Variants in EGFL6 observed in about 807,000 individuals in gnomAD.
EGFL6 encodes epidermal growth factor-like protein 6.
Under a neutral mutation model 43.1 loss-of-function variants are expected in EGFL6, and 42 were observed. That is an observed-to-expected ratio of 0.98 (90% CI 0.76 to 1.26). The LOEUF (loss-of-function observed/expected upper bound fraction) is 1.26, where lower values mean the gene tolerates loss of function less well. Ranked by LOEUF, EGFL6 falls within the 50% of genes most tolerant of loss-of-function variation. The pLI is 0.00. For synonymous variants in EGFL6, 164 were observed against 163.2 expected, an observed-to-expected ratio of 1.01 and a Z score of -0.04; for missense variants, 429 against 427.8, an observed-to-expected ratio of 1.00 and a Z score of -0.02.
intron 7 of EGFL6, among the ~76,000 whole-genome samples, chrX:13,611,821 A>G (rs1233222780): frequency 8.9e-6 from 1 of 112,397 alleles, no homozygotes; most frequent in African/African-American, 3.2e-5. Context: ...TTTGTTATCC[A>G]TTCTGCAGCT....
At chrX:13,597,557 G>A (rs1379594090) in intron 3 of EGFL6, among the ~76,000 whole-genome samples, 1 of 111,807 alleles carries the variant, frequency 8.9e-6, no homozygotes, top group Non-Finnish European at 1.9e-5. Flanking sequence ...GTCGAGGTGG[G>A]TGGATCACTT....
At chrX:13,576,125 GT>G (rs1205651313) in intron 1 of EGFL6, among the ~76,000 whole-genome samples, 1 of 112,204 alleles carries the variant, frequency 8.9e-6, no homozygotes, top group Non-Finnish European at 1.9e-5. Flanking sequence ...AAGAAAAGAG[GT>G]TTAATTGGCT....
intron 2 of EGFL6, among the ~76,000 whole-genome samples, chrX:13,592,003 C>T (rs1036854150): frequency 4.5e-5 from 5 of 111,745 alleles, no homozygotes; most frequent in African/African-American, 1.6e-4. Flanking sequence ...CCATTTTAAA[C>T]ACAAACTGAA....
At chrX:13,626,788 G>A (rs761317839) in intron 10 of EGFL6, among the ~76,000 whole-genome samples, 3 of 111,991 alleles carry the variant, frequency 2.7e-5, no homozygotes, top group East Asian at 5.6e-4. Context: ...AAAATTCCTC[G>A]GTTTCTCTGA....
intron 7 of EGFL6, among the ~76,000 whole-genome samples, chrX:13,615,517 G>A (rs2045713706): frequency 8.9e-6 from 1 of 111,825 alleles, no homozygotes; most frequent in African/African-American, 3.3e-5. Flanking sequence ...TCCAGAGGAA[G>A]GTCTATATAT....
At chrX:13,575,835 C>T (rs1729441288) in intron 1 of EGFL6, among the ~76,000 whole-genome samples, 1 of 112,497 alleles carries the variant, frequency 8.9e-6, no homozygotes, top group South Asian at 3.7e-4. Context: ...CTTTTTGATC[C>T]TTCAGAATTA....
chrX:13,573,653 A>G (rs1197190392), intron 1 of EGFL6, among the ~76,000 whole-genome samples: 1 of 112,206 alleles, frequency 8.9e-6, no homozygotes, highest in Non-Finnish European at 1.9e-5. Context: ...TGTTATTTCA[A>G]TCAATCCTCT....
chrX:13,570,832 C>T (rs1443608511), intron 1 of EGFL6, among the ~76,000 whole-genome samples: 1 of 111,776 alleles, frequency 8.9e-6, no homozygotes, highest in Admixed American at 9.5e-5. Flanking sequence ...AGGGTGCAAA[C>T]CTAGGTATTC....
At chrX:13,632,550 C>T (rs184918323) in intron 11 of EGFL6, among the ~76,000 whole-genome samples, 8 of 109,797 alleles carry the variant, frequency 7.3e-5, no homozygotes, top group African/African-American at 9.9e-5. Context: ...GTGATCCGCC[C>T]GCCTCGGCCT....
chrX:13,577,335 T>C (rs1433059827), intron 1 of EGFL6, among the ~76,000 whole-genome samples: 19 of 14,921 alleles, frequency 1.3e-3, no homozygotes, highest in African/African-American at 4.1e-3. Context: ...TATATATATA[T>C]ATATATACAT....
chrX:13,625,460 G>A (rs993214434), intron 10 of EGFL6, among the ~76,000 whole-genome samples: 8 of 110,734 alleles, frequency 7.2e-5, no homozygotes, highest in Admixed American at 3.8e-4. Context: ...GAGGCAGGTG[G>A]ATTACCTGAG....
chrX:13,618,363 G>A (rs780540151), intron 8 of EGFL6, among the ~76,000 whole-genome samples: 2 of 112,538 alleles, frequency 1.8e-5, no homozygotes, highest in Non-Finnish European at 3.8e-5. Context: ...CAGTGGTTTG[G>A]CTGCCCAGCT....
rs779723694 is a variant in EGFL6 at position 13,600,044 on chromosome X, A to G, written c.350A>G (p.Lys117Arg). 2.5e-6 allele frequency: 3 copies of G among 1,209,590 alleles called. No homozygotes were observed. Among genetic ancestry groups the G allele is most frequent in the Middle Eastern group, 2.3e-4 (1 of 4,375 alleles). Residue 117 changes from lysine (K) to arginine (R), a missense_variant, in exon 4 of 12, where the codon AAG (lysine) becomes AGG (arginine). Physicochemically the swap from Lys to Arg is conservative, Grantham distance 26. Transcript: ENST00000361306. ...TGTGTGAATACACACGGAAGCTACA[A>G]GTGCTTTTGCCTCAGTGGCCACATG... ...HRCVNTHGSY[K>R]CFCLSGHMLM...
At position 13,594,880 on chromosome X, in the gene EGFL6, A is replaced by G. The variant is rs775266200; in HGVS notation, c.232A>G (p.Asn78Asp). ...TAAGTTTGGTGAGTGCGTGGGACCA[A>G]ACAAATGCAGATGCTTTCCAGGATA... The part of the protein sequence containing the change: ...GCKFGECVGP[N>D]KCRCFPGYTG... The change falls in exon 3 of 12, where the codon AAC becomes GAC. Residue 78 changes from asparagine to aspartate, a missense_variant. Coordinates refer to ENST00000361306, the MANE Select transcript of EGFL6 (RefSeq NM_015507.4). 15 of 1,209,334 alleles carry G rather than the reference A, an allele frequency of 1.2e-5. No individual in the cohort carries two copies. In the East Asian group the frequency reaches 4.4e-4, roughly 36 times the overall value.
intron 7 of EGFL6, among the ~76,000 whole-genome samples, chrX:13,611,251 G>T (rs1382347547): frequency 8.9e-6 from 1 of 111,869 alleles, no homozygotes; most frequent in African/African-American, 3.3e-5. Flanking sequence ...AGGTAATATA[G>T]AGAGAGAGCT....
At chrX:13,571,095 G>A (rs2045439473) in intron 1 of EGFL6, among the ~76,000 whole-genome samples, 1 of 65,802 alleles carries the variant, frequency 1.5e-5, no homozygotes, top group Non-Finnish European at 3.2e-5. Context: ...TAGCAACCTT[G>A]ACCCCACCCC....
chrX:13,597,534 G>A (rs941881540), intron 3 of EGFL6, among the ~76,000 whole-genome samples: 6 of 111,803 alleles, frequency 5.4e-5, no homozygotes, highest in South Asian at 3.7e-4. Context: ...CTGTAATTCC[G>A]GCACTTAGGG....
In EGFL6 at chrX:13,633,091, A is replaced by G; in HGVS notation, c.1658A>G (p.Asp553Gly). ...CCAGATAGCCTTTTATCTGTGGATGACTGAATGTTACTATCTTTATATTTG... is the reference window on the plus strand; with the variant it reads ...CCAGATAGCCTTTTATCTGTGGATGGCTGAATGTTACTATCTTTATATTTG... Reference protein sequence around the residue: ...LCPDSLLSVDD With the variant: ...LCPDSLLSVDG The change falls in exon 12 of 12, where the codon GAC becomes GGC. Residue 553 changes from aspartate (D) to glycine (G), a missense_variant. Asp to Gly is a moderately conservative substitution (Grantham distance 94). Transcript: ENST00000361306. 8.5e-7 allele frequency: 1 copy of G among 1,180,334 alleles called. No homozygotes were observed. The highest frequency in any genetic ancestry group is 1.9e-5 in the South Asian group (1 of 52,376).
chrX:13,623,640 T>C (rs2045762464), intron 9 of EGFL6, among the ~76,000 whole-genome samples, 184 bp from the exon 10 acceptor site: 1 of 109,025 alleles, frequency 9.2e-6, no homozygotes, highest in Admixed American at 9.9e-5. Flanking sequence ...CCAAAGCTTT[T>C]TGTTTTTTTA....
Sources: gnomAD v4.1 joint callset for allele counts (sites outside exome capture counted in the v4.1 genomes callset) on GRCh38, gnomAD v4.1.1 for gene constraint, MANE v1.5 for transcripts, NCBI Gene and HGNC (gene_info 2026-07-23, HGNC 2026-07-21) for gene names.